The following DCC variants were observed in gnomAD, a reference collection of about 807,000 sequenced individuals.
The protein encoded by DCC is DCC netrin 1 receptor.
In DCC, 58 loss-of-function variants were observed where a neutral mutation model predicts 172.5. The observed-to-expected ratio is 0.34, with a 90% confidence interval of 0.27 to 0.42. The LOEUF is 0.42. Ranked by LOEUF, DCC falls within the 10% of genes least tolerant of loss-of-function variation. The pLI, the probability that DCC is intolerant of heterozygous loss-of-function variation, is 1.00. For missense variants in DCC, 1,740 were observed against 1,791.0 expected, an observed-to-expected ratio of 0.97 and a Z score of 0.51; for synonymous variants, 709 against 644.5, an observed-to-expected ratio of 1.10 and a Z score of -1.52.
chr18:52,397,847 G>T (rs1388040340), intron 1 of DCC, among the ~76,000 whole-genome samples: 2 of 151,954 alleles, frequency 1.3e-5, no homozygotes, highest in Non-Finnish European at 2.9e-5. Context: ...ACTGTTAATT[G>T]TAGGTGGCTC....
At chr18:53,044,767 A>G (rs2042213971) in intron 5 of DCC, among the ~76,000 whole-genome samples, 1 of 151,876 alleles carries the variant, frequency 6.6e-6, no homozygotes, top group African/African-American at 2.4e-5. Context: ...TCTTTTCACA[A>G]TGCAGAAAAT....
intron 12 of DCC, among the ~76,000 whole-genome samples, chr18:53,226,542 C>G (rs8085649): frequency 0.87 from 132,184 of 152,006 alleles, 57,669 homozygotes; most frequent in Admixed American, 0.92. Context: ...CAGTAGACAA[C>G]CTTAAAAACT....
intron 1 of DCC, among the ~76,000 whole-genome samples, chr18:52,691,941 G>A (rs750592303): frequency 3.9e-5 from 6 of 152,134 alleles, no homozygotes; most frequent in African/African-American, 1.4e-4. Flanking sequence ...AGTAACAGAA[G>A]TTAGAACAGT....
chr18:53,498,399 AT>A (rs1237082185), intron 26 of DCC, among the ~76,000 whole-genome samples: 1 of 152,186 alleles, frequency 6.6e-6, no homozygotes, highest in Admixed American at 6.5e-5. Context: ...CAGAAAAAAT[AT>A]TTTATTAATA....
chr18:52,972,611 T>C (rs913114160), intron 5 of DCC, among the ~76,000 whole-genome samples: 1 of 151,846 alleles, frequency 6.6e-6, no homozygotes, highest in Non-Finnish European at 1.5e-5. Context: ...TATATTTACA[T>C]ATATGAATAC....
At chr18:52,544,651 G>A (rs1349862226) in intron 1 of DCC, among the ~76,000 whole-genome samples, 7 of 152,084 alleles carry the variant, frequency 4.6e-5, no homozygotes, top group Admixed American at 3.9e-4. Context: ...GAGCAGAAAG[G>A]AAACTTGTGG....
intron 1 of DCC, among the ~76,000 whole-genome samples, chr18:52,513,689 C>T (rs1476249458): frequency 1.3e-5 from 2 of 152,078 alleles, no homozygotes; most frequent in Non-Finnish European, 2.9e-5. Flanking sequence ...GGTCCCTTTC[C>T]TCCAAAACTA....
chr18:53,395,770 G>A (rs933082624), intron 17 of DCC, among the ~76,000 whole-genome samples: 4 of 152,104 alleles, frequency 2.6e-5, no homozygotes, highest in Non-Finnish European at 4.4e-5. Flanking sequence ...AGCCTCCCAA[G>A]GAGCTTGGAC....
At chr18:52,648,106 A>T (rs547527025) in intron 1 of DCC, among the ~76,000 whole-genome samples, 1 of 152,332 alleles carries the variant, frequency 6.6e-6, no homozygotes, top group East Asian at 1.9e-4. Flanking sequence ...GAAGTTTAAA[A>T]GCAAGAACAT....
intron 1 of DCC, among the ~76,000 whole-genome samples, chr18:52,712,035 C>A (rs1471762302): frequency 6.6e-6 from 1 of 151,772 alleles, no homozygotes; most frequent in Non-Finnish European, 1.5e-5. Context: ...GACCTTGGCT[C>A]GCTGCAACCT....
intron 5 of DCC, among the ~76,000 whole-genome samples, chr18:52,958,862 A>G (rs551836537): frequency 3.9e-5 from 6 of 152,244 alleles, no homozygotes; most frequent in Non-Finnish European, 8.8e-5. Flanking sequence ...AGCTAGAAGT[A>G]AGGATTTAGA....
chr18:52,432,153 T>C (rs1451901597), intron 1 of DCC, among the ~76,000 whole-genome samples: 1 of 152,148 alleles, frequency 6.6e-6, no homozygotes, highest in Non-Finnish European at 1.5e-5. Context: ...CCCTCATCAC[T>C]AGCTCCCTGG....
At chr18:52,837,185 C>G (rs1475545881) in intron 2 of DCC, among the ~76,000 whole-genome samples, 1 of 152,192 alleles carries the variant, frequency 6.6e-6, no homozygotes, top group African/African-American at 2.4e-5. Context: ...TCCTCCTAGG[C>G]CTCCAAGCCT....
chr18:52,433,163 C>G (rs931654888), intron 1 of DCC, among the ~76,000 whole-genome samples: 1 of 152,000 alleles, frequency 6.6e-6, no homozygotes, highest in Non-Finnish European at 1.5e-5. Context: ...ATTTAGGAAA[C>G]TAAATAGAAA....
intron 2 of DCC, among the ~76,000 whole-genome samples, chr18:52,899,686 G>C (rs1184304490): frequency 6.6e-6 from 1 of 151,638 alleles, no homozygotes; most frequent in Non-Finnish European, 1.5e-5. Flanking sequence ...TATAGAGACA[G>C]AATCTCTCTA....
intron 7 of DCC, among the ~76,000 whole-genome samples, chr18:53,144,070 T>A (rs2043869927): frequency 6.6e-6 from 1 of 152,228 alleles, no homozygotes; most frequent in Non-Finnish European, 1.5e-5. Flanking sequence ...TATCATCTTT[T>A]CTAACTGTAG....
At chr18:52,367,042 C>G (rs1984899031) in intron 1 of DCC, among the ~76,000 whole-genome samples, 1 of 152,220 alleles carries the variant, frequency 6.6e-6, no homozygotes, top group African/African-American at 2.4e-5. Context: ...GTCCCGAGCC[C>G]TGCCCCGCGG....
chr18:52,917,057 C>T (rs1341157344), intron 3 of DCC, among the ~76,000 whole-genome samples: 1 of 127,322 alleles, frequency 7.9e-6, no homozygotes, highest in Non-Finnish European at 1.5e-5. Context: ...CTGAGACAGG[C>T]AGATTGCTTG....
chr18:52,557,559 T>C (rs118188739), intron 1 of DCC, among the ~76,000 whole-genome samples: 6,276 of 152,320 alleles, frequency 0.041, 161 homozygotes, highest in Non-Finnish European at 0.054. Context: ...CTTTCAAAAT[T>C]AAAGTATAAA....
Sources: gnomAD v4.1 joint callset for allele counts (sites outside exome capture counted in the v4.1 genomes callset) on GRCh38, gnomAD v4.1.1 for gene constraint, MANE v1.5 for transcripts, NCBI Gene and HGNC (gene_info 2026-07-23, HGNC 2026-07-21) for gene names.